SERPINA7: variants seen among roughly 807,000 people sequenced by gnomAD.
SERPINA7 encodes thyroxine-binding globulin.
In SERPINA7, 14 loss-of-function variants were observed where a neutral mutation model predicts 16.0. The ratio of observed to expected loss-of-function variants is 0.88; its 90% confidence interval spans 0.58 to 1.37. SERPINA7 has a LOEUF of 1.37. Ranked by LOEUF, SERPINA7 falls within the 40% of genes most tolerant of loss-of-function variation. The pLI, the probability that SERPINA7 is intolerant of heterozygous loss-of-function variation, is 0.00. For missense variants in SERPINA7, 335 were observed against 296.6 expected, an observed-to-expected ratio of 1.13 and a Z score of -0.95; for synonymous variants, 140 against 111.0, an observed-to-expected ratio of 1.26 and a Z score of -1.65.
rs1226336344 is a variant in SERPINA7, at chrX:106,033,364, G to A, written c.*136C>T. On this transcript the variant is annotated 3_prime_UTR_variant, in exon 5 of 5. Coordinates refer to ENST00000372563, the MANE Select transcript of SERPINA7 (RefSeq NM_000354.6). ...ATTGGCCTCTTCCACAGCCAACAAA[G>A]TTCAGCCAGGGTTCAATCTTCATCC... 1.3e-6 allele frequency: 1 copy of A among 793,012 alleles called. No homozygotes were observed. The highest frequency in any genetic ancestry group is 2.3e-5 in the Admixed American group (1 of 44,383). 65.4% of individuals were successfully genotyped at this position (793,012 alleles called of 1,213,427 possible).
intron 2 of SERPINA7, 38 bp from the exon 3 acceptor site, chrX:106,035,423 C>T: frequency 8.5e-7 from 1 of 1,169,867 alleles, no homozygotes; most frequent in Non-Finnish European, 1.2e-6. Flanking sequence ...TTATTTTAAA[C>T]CGGTATCAGT....
chrX:106,037,854 A>G (rs2041463709), intron 1 of SERPINA7, among the ~76,000 whole-genome samples: 1 of 111,749 alleles, frequency 8.9e-6, no homozygotes, highest in Admixed American at 9.5e-5. Flanking sequence ...GAAAGCCAGA[A>G]AGATAAGGTG....
At position 106,036,427 on chromosome X, in the gene SERPINA7, A is replaced by C. The variant is rs955158230; in HGVS notation, c.622+10T>G. 7.4e-6 allele frequency: 9 copies of C among 1,210,627 alleles called. No individual in the cohort carries two copies. The highest frequency in any genetic ancestry group is 8.9e-6 in the Non-Finnish European group (8 of 894,703). ...GCCCTAGACTGAAAATTGACATCTG[A>C]AAGTCTTACCTTTAAAGTGAATATA... is the stretch of plus-strand genomic sequence containing the variant. On this transcript the variant is annotated intron_variant, in intron 2 of 4. Coordinates refer to ENST00000372563, the MANE Select transcript of SERPINA7 (RefSeq NM_000354.6).
chrX:106,036,589 T>C lies in SERPINA7; in HGVS notation c.470A>G (p.Glu157Gly), dbSNP rs1370172314. 1 of 1,211,075 alleles carries C rather than the reference T, an allele frequency of 8.3e-7. No individual in the cohort carries two copies. The highest frequency in any genetic ancestry group is 3.0e-5 in the East Asian group (1 of 33,791). ...LNDVKTLYET[E>G]VFSTDFSNIS... ...GTTGGAGAAGTCGGTAGAAAAGACT[T>C]CAGTCTCATAGAGGGTCTTGACATC... Residue 157 changes from glutamate (E) to glycine (G), a missense_variant, in exon 2 of 5, where the codon GAA (glutamate) becomes GGA (glycine). Transcript: ENST00000372563.
rs1195840678 is a variant in SERPINA7, at chrX:106,034,511, T to C, written c.897-129A>G. 9 of 604,278 alleles carry C rather than the reference T, an allele frequency of 1.5e-5. No homozygotes were observed. In the East Asian group the frequency reaches 2.8e-4, roughly 19 times the overall value. The allele number at this position is 604,278 out of a possible 1,213,427, so 49.8% of individuals were successfully genotyped here. A position where few individuals can be genotyped will look rare whatever the true frequency, so the allele number is the denominator to read the frequency against. ...CTGAGTATTGATAACCATTACTATG[T>C]AAGTCAATACATGGCACCAAACTCA... On this transcript the variant is annotated intron_variant, in intron 3 of 4. Transcript: ENST00000372563.
chrX:106,032,509 C>A lies in SERPINA7; in HGVS notation c.*991G>T, dbSNP rs1474595840. 1 of 111,758 alleles carries A rather than the reference C, an allele frequency of 8.9e-6. No homozygotes were observed. The highest frequency in any genetic ancestry group is 2.8e-4 in the East Asian group (1 of 3,538). 9.2% of individuals were successfully genotyped at this position (111,758 alleles called of 1,213,427 possible). ...CAACAGTACTTATGCATTTTTTTTA[C>A]TATTTTCCTGTCACTGAAGTGTTTT... On this transcript the variant is annotated 3_prime_UTR_variant, in exon 5 of 5. Transcript: ENST00000372563.
chrX:106,036,048 T>C (rs2041446661), intron 2 of SERPINA7, among the ~76,000 whole-genome samples: 1 of 112,548 alleles, frequency 8.9e-6, no homozygotes, highest in South Asian at 3.7e-4. Context: ...GGTAAAATTA[T>C]GTATGTAACA....
In SERPINA7 at chrX:106,036,350, GC is replaced by G; in HGVS notation, c.622+86del. 4 of 989,567 alleles carry G rather than the reference GC, an allele frequency of 4.0e-6. No homozygotes were observed. The South Asian group carries it at 7.8e-5, about 19-fold the overall frequency. 81.6% of individuals were successfully genotyped at this position (989,567 alleles called of 1,213,427 possible). On this transcript the variant is annotated intron_variant, in intron 2 of 4. Coordinates refer to ENST00000372563, the MANE Select transcript of SERPINA7 (RefSeq NM_000354.6). ...TGTGGTATGAGGGACACCTACTGAT[GC>G]CAGTAATAAGAGACCATGAGCTCCC...
In SERPINA7 at chrX:106,036,564, G is replaced by T. The variant is rs369350028; in HGVS notation, c.495C>A (p.Asn165Lys). Residue 165 changes from asparagine (N) to lysine (K), a missense_variant, in exon 2 of 5, where the codon AAC becomes AAA. Transcript: ENST00000372563. ...ETEVFSTDFS[N>K]ISAAKQEINS... ...TAATCTCCTGCTTGGCTGCAGAAAT[G>T]TTGGAGAAGTCGGTAGAAAAGACTT... The T allele has an allele frequency of 8.3e-7, 1 of 1,209,689 alleles. No homozygotes were observed. Among genetic ancestry groups the T allele is most frequent in the African/African-American group, 1.7e-5 (1 of 57,166 alleles).
At position 106,032,630 on chromosome X, in the gene SERPINA7, T is replaced by C. The variant is rs1040310226; in HGVS notation, c.*870A>G. ...ACATAGTGTCTGAAATAAAATCTAGTTTGGTAGGTGGTAATGAGTTGGCAT... is the reference window on the plus strand; with the variant it reads ...ACATAGTGTCTGAAATAAAATCTAGCTTGGTAGGTGGTAATGAGTTGGCAT... On this transcript the variant is annotated 3_prime_UTR_variant, in exon 5 of 5. Transcript: ENST00000372563. The C allele has an allele frequency of 1.8e-5, 2 of 110,914 alleles. No individual in the cohort carries two copies. The highest frequency in any genetic ancestry group is 3.8e-5 in the Non-Finnish European group (2 of 52,938). The allele number at this position is 110,914 out of a possible 1,213,427, so 9.1% of individuals were successfully genotyped here.
Position 106,034,227 on chromosome X carries a change from C to T in SERPINA7, c.1044+8G>A. The T allele has an allele frequency of 8.3e-7, 1 of 1,208,262 alleles. No homozygotes were observed. Among genetic ancestry groups the T allele is most frequent in the African/African-American group, 1.7e-5 (1 of 57,748 alleles). ...CATACATTTAAGAACTCTAGTTTAT[C>T]AACTTACATTGGAAAGTTTCAGACC... On this transcript the variant is annotated splice_region_variant and intron_variant, in intron 4 of 4. Coordinates refer to ENST00000372563, the MANE Select transcript of SERPINA7 (RefSeq NM_000354.6).
rs767190744 is a variant in SERPINA7 at position 106,036,817 on chromosome X, G to A, written c.242C>T (p.Ser81Phe). 8.3e-7 allele frequency: 1 copy of A among 1,211,202 alleles called. No individual in the cohort carries two copies. Among genetic ancestry groups the A allele is most frequent in the Non-Finnish European group, 1.1e-6 (1 of 895,280 alleles). Residue 81 changes from serine to phenylalanine, a missense_variant, in exon 2 of 5, where the codon TCC becomes TTC. Transcript: ENST00000372563. Reference sequence around the variant, plus strand: ...TTGGGTGCTGCAGCAGGCCCCAAAGGAAAGCATAACCAAAGCTGCAGAAAT... The same window carrying A: ...TTGGGTGCTGCAGCAGGCCCCAAAGAAAAGCATAACCAAAGCTGCAGAAAT... Reference protein sequence around the residue: ...VSISAALVMLSFGACCSTQTE... With the variant: ...VSISAALVMLFFGACCSTQTE...
chrX:106,033,802 C>G lies in SERPINA7; in HGVS notation c.1045-99G>C. 3 of 1,191,069 alleles carry G rather than the reference C, an allele frequency of 2.5e-6. No homozygotes were observed. The South Asian group carries it at 5.4e-5, about 21-fold the overall frequency. Reference sequence around the variant, plus strand: ...AAGGGAAAGGAAAGGTGGGGCCGCCCCTTTGCTATACTATGTTGATGGTGC... The same window carrying G: ...AAGGGAAAGGAAAGGTGGGGCCGCCGCTTTGCTATACTATGTTGATGGTGC... On this transcript the variant is annotated intron_variant, in intron 4 of 4. Coordinates refer to ENST00000372563, the MANE Select transcript of SERPINA7 (RefSeq NM_000354.6).
chrX:106,034,970 T>C, intron 3 of SERPINA7, 142 bp downstream of exon 3: 1 of 731,438 alleles, frequency 1.4e-6, no homozygotes, highest in Non-Finnish European at 2.2e-6. Context: ...TGGTAGACAG[T>C]ATTTTCTTGG....
intron 3 of SERPINA7, among the ~76,000 whole-genome samples, chrX:106,034,652 C>A (rs867802714): frequency 2.7e-4 from 30 of 111,805 alleles, no homozygotes; most frequent in Non-Finnish European, 1.7e-4. Flanking sequence ...AGGTGACGAC[C>A]AAGGTTGGGG....
Position 106,033,455 on chromosome X carries a change from C to T in SERPINA7, c.*45G>A. ...CCAGGCTATATTATTTATTTATTTC[C>T]CATTGCAATACACACGTGCAATTAG... On this transcript the variant is annotated 3_prime_UTR_variant, in exon 5 of 5. Transcript: ENST00000372563. 8.4e-7 allele frequency: 1 copy of T among 1,186,310 alleles called. No individual in the cohort carries two copies. Among genetic ancestry groups the T allele is most frequent in the Non-Finnish European group, 1.1e-6 (1 of 872,673 alleles).
rs1238343882 is a variant in SERPINA7 at position 106,032,908 on chromosome X, G to A, written c.*592C>T. ...TTTTCTTGGGGGGAAGGTGGGGTTG[G>A]ACAGGCAAGTTTATCTCTTGCTGTA... On this transcript the variant is annotated 3_prime_UTR_variant, in exon 5 of 5. Transcript: ENST00000372563. 8.8e-6 allele frequency: 1 copy of A among 113,458 alleles called. No homozygotes were observed. The highest frequency in any genetic ancestry group is 1.8e-5 in the Non-Finnish European group (1 of 54,391). The allele number at this position is 113,458 out of a possible 1,213,427, so 9.4% of individuals were successfully genotyped here.
rs1434136294 is a variant in SERPINA7 at position 106,037,084 on chromosome X, G to A, written c.-17-9C>T. ...TTTGGAAGGAAGTTAATCTATAAGA[G>A]ATGAAGTGAGACAACCACTGAGGGA... On this transcript the variant is annotated splice_polypyrimidine_tract_variant and intron_variant, in intron 1 of 4. Coordinates refer to ENST00000372563, the MANE Select transcript of SERPINA7 (RefSeq NM_000354.6). 7 of 1,196,747 alleles carry A rather than the reference G, an allele frequency of 5.8e-6. No homozygotes were observed. The Admixed American group carries it at 1.5e-4, about 26-fold the overall frequency.
intron 1 of SERPINA7, chrX:106,037,484 G>A (rs1015192592): frequency 8.5e-6 from 1 of 117,604 alleles, no homozygotes; most frequent in Non-Finnish European, 1.7e-5. Flanking sequence ...TAGAATTTTA[G>A]ATTTTTTTTT....
Sources: gnomAD v4.1 joint callset for allele counts (sites outside exome capture counted in the v4.1 genomes callset) on GRCh38, gnomAD v4.1.1 for gene constraint, MANE v1.5 for transcripts, NCBI Gene and HGNC (gene_info 2026-07-23, HGNC 2026-07-21) for gene names.